The following APC2 variants were observed in gnomAD, a reference collection of about 807,000 sequenced individuals.
The protein encoded by APC2 is adenomatous polyposis coli protein 2.
APC2 carries 41 observed loss-of-function variants against 72.5 expected under a neutral mutation model. That is an observed-to-expected ratio of 0.57 (90% CI 0.44 to 0.73). APC2 has a LOEUF of 0.73. Among genes scored for constraint, APC2 ranks in the 30% least tolerant of loss-of-function variants. The probability of loss-of-function intolerance (pLI) is 0.00; values close to 1 mark genes in which losing one functional copy is unlikely to be tolerated. For synonymous variants in APC2, 1,898 were observed against 1,612.0 expected (o/e 1.18, Z -4.25); for missense variants, 3,729 against 3,403.4 (o/e 1.10, Z -2.38).
In APC2 at chr19:1,468,216, A is replaced by C; in HGVS notation, c.4915A>C (p.Arg1639=). Reference sequence around the variant, plus strand: ...GCGGTGCATCAGCTCGGCCCTGCCCAGGCGCCGGCCCCCCGTGTCTGGCCT... The same window carrying C: ...GCGGTGCATCAGCTCGGCCCTGCCCCGGCGCCGGCCCCCCGTGTCTGGCCT... The part of the protein sequence containing the change: ...LQRCISSALP[R]RRPPVSGLRR... The change falls in exon 15 of 15, where the codon AGG becomes CGG. Residue 1639 remains arginine, a synonymous_variant. Coordinates refer to ENST00000590469, the MANE Select transcript of APC2 (RefSeq NM_005883.3). 3 of 1,475,046 alleles carry C rather than the reference A, an allele frequency of 2.0e-6. No homozygotes were observed. The highest frequency in any genetic ancestry group is 2.7e-6 in the Non-Finnish European group (3 of 1,121,414). 91.4% of individuals were successfully genotyped at this position (1,475,046 alleles called of 1,614,324 possible). A position where few individuals can be genotyped will look rare whatever the true frequency, so the allele number is the denominator to read the frequency against.
rs2083727387 is a variant in APC2 at position 1,450,236 on chromosome 19, C to G, written c.-121C>G. On this transcript the variant is annotated 5_prime_UTR_variant, in exon 1 of 15. Transcript: ENST00000590469. Reference sequence around the variant, plus strand: ...CGGAGACCCCGGAGCCCGCGCGCTCCGAGGCCACCCCGGGCCGGGATTTCC... The same window carrying G: ...CGGAGACCCCGGAGCCCGCGCGCTCGGAGGCCACCCCGGGCCGGGATTTCC... 3 of 985,126 alleles carry G rather than the reference C, an allele frequency of 3.0e-6. No homozygotes were observed. The highest frequency in any genetic ancestry group is 3.6e-6 in the Non-Finnish European group (3 of 829,878). The allele number at this position is 985,126 out of a possible 1,614,324, so 61.0% of individuals were successfully genotyped here.
chr19:1,468,291 G>C lies in APC2; in HGVS notation c.4990G>C (p.Gly1664Arg), dbSNP rs759457239. ...CCGGCTGGATGAGCGGCCCGCAGAG[G>C]GGTCCCGGGAACGCGGCGAGGAGGC... ...ATRLDERPAE[G>R]SRERGEEAAG... Residue 1664 changes from glycine to arginine, a missense_variant, in exon 15 of 15, where the codon GGG becomes CGG. Gly to Arg is a moderately radical substitution (Grantham distance 125, BLOSUM62 -2). Transcript: ENST00000590469. 1 of 1,539,808 alleles carries C rather than the reference G, an allele frequency of 6.5e-7. No individual in the cohort carries two copies. The highest frequency in any genetic ancestry group is 8.7e-7 in the Non-Finnish European group (1 of 1,144,084).
intron 9 of APC2, chr19:1,457,596 G>T: frequency 4.0e-6 from 2 of 503,050 alleles, no homozygotes; most frequent in South Asian, 2.3e-5. Context: ...ACTTTGGAAG[G>T]CAGAAGCAGG....
chr19:1,468,065 G>A lies in APC2; in HGVS notation c.4764G>A (p.Glu1588=), dbSNP rs756469481. 6.4e-7 allele frequency: 1 copy of A among 1,569,192 alleles called. No individual in the cohort carries two copies. Among genetic ancestry groups the A allele is most frequent in the Non-Finnish European group, 8.6e-7 (1 of 1,167,260 alleles). The change falls in exon 15 of 15, where the codon GAG becomes GAA. Residue 1588 remains glutamate, a synonymous_variant. Transcript: ENST00000590469. Reference sequence around the variant, plus strand: ...GCTCCTCCGCCAGCTCCCTCAGCGAGCCCGAGCCCTCGGAGCCGCCGGCCG... The same window carrying A: ...GCTCCTCCGCCAGCTCCCTCAGCGAACCCGAGCCCTCGGAGCCGCCGGCCG... ...SLSSSASSLS[E]PEPSEPPAVH... is the part of the protein sequence containing the mutation.
At chr19:1,455,777 C>T (rs1338946408) in intron 6 of APC2, among the ~76,000 whole-genome samples, 1 of 151,436 alleles carries the variant, frequency 6.6e-6, no homozygotes, top group African/African-American at 2.4e-5. Flanking sequence ...GTGGGTGGGG[C>T]CTAGAAGGAC....
Position 1,455,263 on chromosome 19 carries a change from C to T in APC2, c.522+6C>T. 1 of 1,564,756 alleles carries T rather than the reference C, an allele frequency of 6.4e-7. No homozygotes were observed. Among genetic ancestry groups the T allele is most frequent in the Non-Finnish European group, 8.6e-7 (1 of 1,160,244 alleles). On this transcript the variant is annotated splice_donor_region_variant and intron_variant, in intron 5 of 14. Coordinates refer to ENST00000590469, the MANE Select transcript of APC2 (RefSeq NM_005883.3). ...AGCTGCCGCACGTGGAGACGGTGAG[C>T]CGGCCGGGGAGCCAGGGGGCAGCGC...
intron 4 of APC2, 27 bp downstream of exon 4, chr19:1,453,638 G>T: frequency 6.4e-7 from 1 of 1,572,868 alleles, no homozygotes; most frequent in East Asian, 2.3e-5. Context: ...ACCCAGCCTC[G>T]GGCAGCTGGA....
In APC2 at chr19:1,472,700, G is replaced by A. The variant is rs1568189605; in HGVS notation, c.*2487G>A. Reference sequence around the variant, plus strand: ...GTCCAGCTGTCTCCAGAAGGGGACAGGCAGTCCGCGGTCTCTGGACAATCA... The same window carrying A: ...GTCCAGCTGTCTCCAGAAGGGGACAAGCAGTCCGCGGTCTCTGGACAATCA... On this transcript the variant is annotated 3_prime_UTR_variant, in exon 15 of 15. Transcript: ENST00000590469. 1 of 151,904 alleles carries A rather than the reference G, an allele frequency of 6.6e-6. No homozygotes were observed. The highest frequency in any genetic ancestry group is 6.6e-5 in the Admixed American group (1 of 15,218). 9.4% of individuals were successfully genotyped at this position (151,904 alleles called of 1,614,324 possible).
chr19:1,469,072 A>T lies in APC2; in HGVS notation c.5771A>T (p.Gln1924Leu). 1 of 1,515,826 alleles carries T rather than the reference A, an allele frequency of 6.6e-7. No individual in the cohort carries two copies. Among genetic ancestry groups the T allele is most frequent in the South Asian group, 1.2e-5 (1 of 80,184 alleles). The allele number at this position is 1,515,826 out of a possible 1,614,324, so 93.9% of individuals were successfully genotyped here. A position where few individuals can be genotyped will look rare whatever the true frequency, so the allele number is the denominator to read the frequency against. The change falls in exon 15 of 15, where the codon CAG becomes CTG. Residue 1924 changes from glutamine to leucine, a missense_variant. Physicochemically the swap from Gln to Leu is moderately radical, Grantham distance 113. Transcript: ENST00000590469. Reference protein sequence around the residue: ...RTLLAKQHKTQRSPVRIPFMQ... With the variant: ...RTLLAKQHKTLRSPVRIPFMQ... ...CTTCTGGCGAAGCAGCACAAGACGC[A>T]GAGATCGCCCGTGCGGATCCCGTTC...
In APC2 at chr19:1,469,283, G is replaced by A; in HGVS notation, c.5982G>A (p.Gln1994=). 1 of 1,424,194 alleles carries A rather than the reference G, an allele frequency of 7.0e-7. No homozygotes were observed. The highest frequency in any genetic ancestry group is 9.2e-7 in the Non-Finnish European group (1 of 1,086,592). 88.2% of individuals were successfully genotyped at this position (1,424,194 alleles called of 1,614,324 possible). The change falls in exon 15 of 15, where the codon CAG becomes CAA. Residue 1994 remains glutamine (Q), a synonymous_variant. Transcript: ENST00000590469. ...ESSDRSGFRR[Q]LTFIKESPGL... ...CCGACCGCTCGGGCTTCCGGCGACA[G>A]CTAACCTTCATCAAGGAGTCGCCGG... is the stretch of plus-strand genomic sequence containing the variant.
chr19:1,454,364 CTTT>C (rs11305729), intron 4 of APC2, among the ~76,000 whole-genome samples: 12,871 of 142,886 alleles, frequency 0.09, 1,042 homozygotes, highest in African/African-American at 0.22. Flanking sequence ...ATTGCTTTCT[CTTT>C]TTTTTTTTTT....
chr19:1,453,363 G>T, intron 3 of APC2, 26 bp downstream of exon 3: 1 of 1,611,798 alleles, frequency 6.2e-7, no homozygotes, highest in African/African-American at 1.3e-5. Flanking sequence ...ACCCGCAGAG[G>T]GAGTGGGGGA....
rs1359192910 is a variant in APC2, at chr19:1,469,309, G to C, written c.6008G>C (p.Gly2003Ala). 1.4e-6 allele frequency: 2 copies of C among 1,414,944 alleles called. No homozygotes were observed. The highest frequency in any genetic ancestry group is 5.1e-5 in the Admixed American group (2 of 39,484). 87.6% of individuals were successfully genotyped at this position (1,414,944 alleles called of 1,614,324 possible). A position where few individuals can be genotyped will look rare whatever the true frequency, so the allele number is the denominator to read the frequency against. Residue 2003 changes from glycine to alanine, a missense_variant, in exon 15 of 15, where the codon GGC becomes GCC. Gly to Ala is a moderately conservative substitution (Grantham distance 60). Transcript: ENST00000590469. ...RQLTFIKESPGLRRRRSELSS... is the reference protein window; with the variant it reads ...RQLTFIKESPALRRRRSELSS... The stretch of plus-strand genomic sequence containing the variant: ...CTAACCTTCATCAAGGAGTCGCCGG[G>C]CTTGCGGCGCCGCCGCTCCGAGCTG...
chr19:1,457,166 T>C lies in APC2; in HGVS notation c.1130T>C (p.Ile377Thr). 1.3e-6 allele frequency: 2 copies of C among 1,583,692 alleles called. No individual in the cohort carries two copies. Among genetic ancestry groups the C allele is most frequent in the Non-Finnish European group, 1.7e-6 (2 of 1,167,668 alleles). The change falls in exon 9 of 15, where the codon ATC becomes ACC. Residue 377 changes from isoleucine to threonine, a missense_variant. Physicochemically the swap from Ile to Thr is moderately conservative, Grantham distance 89. Transcript: ENST00000590469. ...EMRVLHVLEQ[I>T]RAYCETCWDW... ...CGCGTCCTGCACGTGCTGGAGCAGA[T>C]CCGGGCCTACTGCGAGACCTGCTGG... is the stretch of plus-strand genomic sequence containing the variant.
In APC2 at chr19:1,468,180, G is replaced by A. The variant is rs1255799977; in HGVS notation, c.4879G>A (p.Glu1627Lys). The part of the protein sequence containing the change: ...DSSPSPRAAE[E>K]LLQRCISSAL... ...CTCGCCCAGCCCGCGGGCCGCGGAG[G>A]AGCTTCTGCAGCGGTGCATCAGCTC... Residue 1627 changes from glutamate to lysine, a missense_variant, in exon 15 of 15, where the codon GAG becomes AAG. By Grantham distance (56) the Glu-to-Lys change is moderately conservative. Transcript: ENST00000590469. 5 of 1,452,846 alleles carry A rather than the reference G, an allele frequency of 3.4e-6. No homozygotes were observed. Among genetic ancestry groups the A allele is most frequent in the African/African-American group, 3.0e-5 (2 of 67,038 alleles). The allele number at this position is 1,452,846 out of a possible 1,614,324, so 90.0% of individuals were successfully genotyped here.
chr19:1,467,036 C>A lies in APC2; in HGVS notation c.3735C>A (p.Asp1245Glu). Residue 1245 changes from aspartate to glutamate, a missense_variant, in exon 15 of 15, where the codon GAC becomes GAA. Physicochemically the swap from Asp to Glu is conservative, Grantham distance 45. Coordinates refer to ENST00000590469, the MANE Select transcript of APC2 (RefSeq NM_005883.3). ...SYVKRFLDIA[D>E]CRERCRLPSE... ...TGAAGCGCTTCCTGGACATCGCCGA[C>A]TGCCGGGAGCGCTGCCGGCTGCCAT... is the stretch of plus-strand genomic sequence containing the variant. 1 of 1,611,592 alleles carries A rather than the reference C, an allele frequency of 6.2e-7. No individual in the cohort carries two copies. The highest frequency in any genetic ancestry group is 8.5e-7 in the Non-Finnish European group (1 of 1,179,564).
Position 1,467,150 on chromosome 19 carries a change from G to A in APC2, c.3849G>A (p.Leu1283=). The A allele has an allele frequency of 6.4e-7, 1 of 1,566,730 alleles. No homozygotes were observed. The highest frequency in any genetic ancestry group is 8.6e-7 in the Non-Finnish European group (1 of 1,156,322). ...CCTCCAGCCTCAGCGCGCTGGCCTT[G>A]CACGAGCACTACGTGCAGCAGGACG... ...SCASSLSALA[L]HEHYVQQDVE... The change falls in exon 15 of 15, where the codon TTG becomes TTA. Residue 1283 remains leucine (L), a synonymous_variant. Coordinates refer to ENST00000590469, the MANE Select transcript of APC2 (RefSeq NM_005883.3).
intron 9 of APC2, 130 bp downstream of exon 9, chr19:1,457,373 C>T: frequency 7.7e-7 from 1 of 1,299,820 alleles, no homozygotes; most frequent in African/African-American, 1.6e-5. Flanking sequence ...GTACCAGGCT[C>T]CGGCCGAGGC....
chr19:1,449,607 C>T (rs1378082910), upstream of APC2, among the ~76,000 whole-genome samples: 1 of 152,130 alleles, frequency 6.6e-6, no homozygotes, highest in African/African-American at 2.4e-5. Context: ...GATGCAGCGT[C>T]CCAGGTGCTC....
Sources: gnomAD v4.1 joint callset for allele counts (sites outside exome capture counted in the v4.1 genomes callset) on GRCh38, gnomAD v4.1.1 for gene constraint, MANE v1.5 for transcripts, NCBI Gene and HGNC (gene_info 2026-07-23, HGNC 2026-07-21) for gene names.